Variants in TMEM232 observed in about 807,000 individuals in gnomAD.
The protein encoded by TMEM232 is transmembrane protein 232.
TMEM232 carries 80 observed loss-of-function variants against 78.8 expected under a neutral mutation model. The observed-to-expected ratio is 1.01, with a 90% CI of 0.85 to 1.22. The LOEUF is 1.22. TMEM232 is among the 50% of genes most tolerant of loss of function. The pLI, the probability that TMEM232 is intolerant of heterozygous loss-of-function variation, is 0.00. For synonymous variants in TMEM232, 297 were observed against 254.3 expected (o/e 1.17, Z -1.60); for missense variants, 881 against 742.2 (o/e 1.19, Z -2.17).
intron 12 of TMEM232, among the ~76,000 whole-genome samples, chr5:110,488,570 T>C (rs1764706783): frequency 6.6e-6 from 1 of 152,070 alleles, no homozygotes; most frequent in Admixed American, 6.6e-5. Context: ...TTAGTGTTTT[T>C]ATTTGCTAAC....
chr5:110,645,093 T>C (rs1024068228), intron 2 of TMEM232, among the ~76,000 whole-genome samples: 16 of 151,164 alleles, frequency 1.1e-4, no homozygotes, highest in Admixed American at 6.6e-5. Context: ...ATGAAAAACC[T>C]CCCAACAAAG....
chr5:110,564,981 T>C (rs1776174292), intron 11 of TMEM232, among the ~76,000 whole-genome samples: 1 of 151,988 alleles, frequency 6.6e-6, no homozygotes, highest in South Asian at 2.1e-4. Flanking sequence ...TTGCCTCAGT[T>C]AGCACACCTG....
At chr5:110,602,511 A>T (rs1484653235) in intron 10 of TMEM232, among the ~76,000 whole-genome samples, 1 of 152,210 alleles carries the variant, frequency 6.6e-6, no homozygotes, top group Non-Finnish European at 1.5e-5. Flanking sequence ...AAAAGAAAAC[A>T]TTTATGTGGC....
chr5:110,611,675 A>G (rs1350092978), intron 8 of TMEM232, among the ~76,000 whole-genome samples: 2 of 152,138 alleles, frequency 1.3e-5, no homozygotes, highest in South Asian at 2.1e-4. Flanking sequence ...GTATCACATA[A>G]AACAGTTCTT....
intron 11 of TMEM232, among the ~76,000 whole-genome samples, chr5:110,539,948 G>A (rs1281387610): frequency 6.6e-6 from 1 of 152,120 alleles, no homozygotes; most frequent in Non-Finnish European, 1.5e-5. Flanking sequence ...TTCTTTTGGG[G>A]GAATAGCCAG....
At chr5:110,425,884 G>A (rs1161504573) in intron 12 of TMEM232, among the ~76,000 whole-genome samples, 1 of 152,022 alleles carries the variant, frequency 6.6e-6, no homozygotes, top group East Asian at 1.9e-4. Context: ...ACATCAAACT[G>A]TTCATTATTT....
chr5:110,721,421 A>C (rs999338139), intron 1 of TMEM232, among the ~76,000 whole-genome samples: 1 of 151,564 alleles, frequency 6.6e-6, no homozygotes, highest in Non-Finnish European at 1.5e-5. Flanking sequence ...TCTGTTTGTC[A>C]TAATGTCTAG....
chr5:110,695,281 T>A (rs1794633411), intron 1 of TMEM232, among the ~76,000 whole-genome samples: 1 of 152,096 alleles, frequency 6.6e-6, no homozygotes, highest in Non-Finnish European at 1.5e-5. Context: ...CATACCAGAA[T>A]CTCTGGGACG....
chr5:110,496,012 G>C (rs1208694419), intron 12 of TMEM232, among the ~76,000 whole-genome samples: 2 of 151,660 alleles, frequency 1.3e-5, no homozygotes, highest in Non-Finnish European at 3.0e-5. Context: ...TATTTTTCAA[G>C]TTAGATATAG....
intron 10 of TMEM232, among the ~76,000 whole-genome samples, chr5:110,591,752 C>G (rs548536200): frequency 6.6e-6 from 1 of 151,866 alleles, no homozygotes; most frequent in Non-Finnish European, 1.5e-5. Context: ...GGTATGAGTT[C>G]GTTTGACTCC....
chr5:110,504,660 T>C (rs892063916), intron 12 of TMEM232, among the ~76,000 whole-genome samples: 13 of 152,348 alleles, frequency 8.5e-5, no homozygotes, highest in Middle Eastern at 3.4e-3. Context: ...AAAAGACTGA[T>C]GTCCCAGCTT....
At chr5:110,432,363 A>G (rs1757951138) in intron 12 of TMEM232, among the ~76,000 whole-genome samples, 1 of 151,762 alleles carries the variant, frequency 6.6e-6, no homozygotes, top group Non-Finnish European at 1.5e-5. Flanking sequence ...GCCAGTAAAG[A>G]ATTTCAAATC....
chr5:110,630,026 T>C (rs931499724), intron 5 of TMEM232, among the ~76,000 whole-genome samples: 1 of 152,172 alleles, frequency 6.6e-6, no homozygotes, highest in Non-Finnish European at 1.5e-5. Flanking sequence ...TAATACCCTT[T>C]AATAAAGCAT....
chr5:110,561,972 T>C (rs1443897168), intron 11 of TMEM232, among the ~76,000 whole-genome samples: 5 of 152,080 alleles, frequency 3.3e-5, no homozygotes, highest in East Asian at 3.9e-4. Flanking sequence ...AATCAAGTAA[T>C]ATAGTCAAGC....
chr5:110,718,998 G>C (rs1297434656), intron 1 of TMEM232, among the ~76,000 whole-genome samples: 1 of 151,948 alleles, frequency 6.6e-6, no homozygotes, highest in African/African-American at 2.4e-5. Context: ...TGAGTTGTAA[G>C]GCGATTTTGC....
chr5:110,735,357 G>T (rs1799050489), intron 1 of TMEM232, among the ~76,000 whole-genome samples: 1 of 152,140 alleles, frequency 6.6e-6, no homozygotes, highest in Non-Finnish European at 1.5e-5. Flanking sequence ...TATGTATTAA[G>T]CCCGTTGGGG....
rs183905647 is a variant in TMEM232 at position 110,578,496 on chromosome 5, C to T, written c.1277-9871G>A. On this transcript the variant is annotated intron_variant, in intron 10 of 13. Coordinates refer to ENST00000455884, the MANE Select transcript of TMEM232 (RefSeq NM_001039763.4). ...ATCTAAAACTGAGCTGTGACTCATC[C>T]AAAATTGCTGACATCCAAAATTGGT... Among the ~76,000 whole-genome samples the T allele has an allele frequency of 1.8e-3, 270 of 151,956 alleles. 2 individuals are homozygous for T. The highest frequency in any genetic ancestry group is 6.2e-3 in the African/African-American group (257 of 41,532).
At chr5:110,452,537 G>C (rs1361810398) in intron 12 of TMEM232, among the ~76,000 whole-genome samples, 1 of 134,924 alleles carries the variant, frequency 7.4e-6, no homozygotes, top group Non-Finnish European at 1.7e-5. Context: ...TGACCCATGA[G>C]GAGATGCAAA....
At chr5:110,658,645 T>G (rs989338834) in intron 2 of TMEM232, among the ~76,000 whole-genome samples, 1 of 152,150 alleles carries the variant, frequency 6.6e-6, no homozygotes, top group African/African-American at 2.4e-5. Flanking sequence ...TTTTCAAGGT[T>G]GTCTGTAAGA....
Sources: gnomAD v4.1 joint callset for allele counts (sites outside exome capture counted in the v4.1 genomes callset) on GRCh38, gnomAD v4.1.1 for gene constraint, MANE v1.5 for transcripts, NCBI Gene and HGNC (gene_info 2026-07-23, HGNC 2026-07-21) for gene names.